The following SYNPO variants were observed in gnomAD, a reference collection of about 807,000 sequenced individuals.
SYNPO encodes the protein synaptopodin.
In SYNPO, 19 loss-of-function variants were observed where a neutral mutation model predicts 49.5. The observed-to-expected ratio is 0.38, with a 90% CI of 0.27 to 0.56. The LOEUF is 0.56. SYNPO is among the 20% of genes least tolerant of loss of function. The pLI, the probability that SYNPO is intolerant of heterozygous loss-of-function variation, is 0.68. For synonymous variants in SYNPO, 536 were observed against 548.0 expected, an observed-to-expected ratio of 0.98 and a Z score of 0.31; for missense variants, 1,131 against 1,248.3, an observed-to-expected ratio of 0.91 and a Z score of 1.42.
intron 1 of SYNPO, among the ~76,000 whole-genome samples, chr5:150,646,611 G>C (rs1758101534): frequency 2.6e-5 from 4 of 152,060 alleles, no homozygotes; most frequent in African/African-American, 9.7e-5. Context: ...TGTAGTCCCA[G>C]CTACTTGGGG....
At chr5:150,586,457 A>G in the SYNPO span, among the ~76,000 whole-genome samples, 2 of 152,130 alleles carry the variant, frequency 1.3e-5, no homozygotes, top group South Asian at 2.1e-4. Flanking sequence ...AACCCCCACT[A>G]TAAACTGGAG....
chr5:150,635,302 G>T (rs1463682416), intron 2 of SYNPO, among the ~76,000 whole-genome samples: 1 of 152,266 alleles, frequency 6.6e-6, no homozygotes, highest in Non-Finnish European at 1.5e-5. Flanking sequence ...CAGCACCTCT[G>T]TGTGTGGGCA....
At chr5:150,641,671 G>A (rs1032539497) in intron 1 of SYNPO, among the ~76,000 whole-genome samples, 1 of 152,132 alleles carries the variant, frequency 6.6e-6, no homozygotes, top group African/African-American at 2.4e-5. Context: ...AACAAGAACT[G>A]GGGTCTTCTG....
intron 2 of SYNPO, among the ~76,000 whole-genome samples, chr5:150,621,814 C>G (rs1757183229): frequency 6.6e-6 from 1 of 152,144 alleles, no homozygotes; most frequent in Admixed American, 6.5e-5. Flanking sequence ...ATAGAGGGTA[C>G]AGAGAGATGC....
intron 2 of SYNPO, among the ~76,000 whole-genome samples, chr5:150,634,836 ACACACACACACACACACACACACACAC>A (rs936968164): frequency 4.8e-5 from 5 of 105,210 alleles, no homozygotes; most frequent in African/African-American, 2.2e-4. Flanking sequence ...AAACACACAC[ACACACACACACACACACACACACACAC>A]CACACACACA....
rs1400833860 is a variant in SYNPO, at chr5:150,656,827, G to A, written c.2452G>A (p.Ala818Thr). The change falls in exon 3 of 3, where the codon GCA becomes ACA. Residue 818 changes from alanine (A) to threonine (T), a missense_variant. Coordinates refer to ENST00000307662, the MANE Select transcript of SYNPO (RefSeq NM_007286.6). Reference sequence around the variant, plus strand: ...CCCCGGCTCGGCTGCTGTGCCGGGGGCAGCCTTCGCGCCCATCCCGCGGAG... The same window carrying A: ...CCCCGGCTCGGCTGCTGTGCCGGGGACAGCCTTCGCGCCCATCCCGCGGAG... ...ARPGSAAVPGAAFAPIPRSPL... is the reference protein window; with the variant it reads ...ARPGSAAVPGTAFAPIPRSPL... The A allele has an allele frequency of 4.9e-5, 76 of 1,538,454 alleles. No homozygotes were observed. The East Asian group carries it at 1.7e-3, about 34-fold the overall frequency.
intron 2 of SYNPO, among the ~76,000 whole-genome samples, chr5:150,621,448 C>T (rs1217516851): frequency 6.6e-6 from 1 of 152,184 alleles, no homozygotes; most frequent in Non-Finnish European, 1.5e-5. Context: ...CCACACTTGC[C>T]TTTCTGCTCC....
chr5:150,626,661 A>C (rs1757367830), intron 2 of SYNPO, among the ~76,000 whole-genome samples: 1 of 152,148 alleles, frequency 6.6e-6, no homozygotes, highest in East Asian at 1.9e-4. Flanking sequence ...AAAAAAACCA[A>C]CCAAATCAAA....
At chr5:150,607,223 G>A (rs10040710) in intron 1 of SYNPO, among the ~76,000 whole-genome samples, 3,081 of 152,118 alleles carry the variant, frequency 0.02, 109 homozygotes, top group African/African-American at 0.071. Context: ...ATTTAGTGAC[G>A]TCTTTGTGGG....
chr5:150,625,606 G>A (rs1206327349), intron 2 of SYNPO, among the ~76,000 whole-genome samples: 2 of 152,210 alleles, frequency 1.3e-5, no homozygotes, highest in African/African-American at 4.8e-5. Flanking sequence ...CCTTGCCAAG[G>A]TGAGAGAGAG....
Position 150,602,997 on chromosome 5 carries a change from GGTGTGTGTGTGTGTGTGTGT to G in SYNPO, c.-266+1835_-266+1854del, listed in dbSNP as rs3062133. Among the ~76,000 whole-genome samples, 556 of 131,252 alleles carry G rather than the reference GGTGTGTGTGTGTGTGTGTGT, an allele frequency of 4.2e-3. 4 individuals are homozygous for G. Among genetic ancestry groups the G allele is most frequent in the African/African-American group, 0.015 (521 of 33,810 alleles). 86.1% of individuals were successfully genotyped at this position (131,252 alleles called of 152,430 possible). ...GTGGAAAGCCCAGTTGCCACCTTAG[GGTGTGTGTGTGTGTGTGTGT>G]GTGTGTGTGTGTGTGTGTGTGTGTG... is the stretch of plus-strand genomic sequence containing the variant. On this transcript the variant is annotated intron_variant, in intron 1 of 2. Transcript: ENST00000394243.
chr5:150,598,866 A>G (rs1024520854), upstream of SYNPO, among the ~76,000 whole-genome samples: 9 of 151,796 alleles, frequency 5.9e-5, no homozygotes, highest in Admixed American at 1.3e-4. Flanking sequence ...GTGCAGGCTG[A>G]CATGGTGGGG....
chr5:150,619,669 C>A (rs577693054), intron 2 of SYNPO, among the ~76,000 whole-genome samples: 1 of 152,108 alleles, frequency 6.6e-6, no homozygotes, highest in Non-Finnish European at 1.5e-5. Flanking sequence ...CCAGTAGATC[C>A]CGGGGGTGCA....
chr5:150,596,385 G>A (rs756924851), upstream of SYNPO, among the ~76,000 whole-genome samples: 1 of 152,164 alleles, frequency 6.6e-6, no homozygotes, highest in Non-Finnish European at 1.5e-5. Context: ...TGCTCACTAA[G>A]AAGGCTGGAC....
At chr5:150,632,052 CA>C in intron 2 of SYNPO, among the ~76,000 whole-genome samples, 1 of 152,276 alleles carries the variant, frequency 6.6e-6, no homozygotes, top group East Asian at 1.9e-4. Context: ...ACCCTGGAGC[CA>C]AAACCCCGGG....
intron 1 of SYNPO, among the ~76,000 whole-genome samples, chr5:150,644,447 T>C (rs1431288549): frequency 1.3e-5 from 2 of 152,240 alleles, no homozygotes; most frequent in African/African-American, 4.8e-5. Flanking sequence ...TGACCTTCAG[T>C]CAATCCCCTG....
At chr5:150,641,151 G>A (rs1380451710) in intron 1 of SYNPO, among the ~76,000 whole-genome samples, 1 of 152,200 alleles carries the variant, frequency 6.6e-6, no homozygotes, top group African/African-American at 2.4e-5. Flanking sequence ...TGACTCTGGG[G>A]ATGGAGAATT....
intron 1 of SYNPO, among the ~76,000 whole-genome samples, chr5:150,645,690 C>A (rs1237342932): frequency 6.6e-6 from 1 of 152,146 alleles, no homozygotes; most frequent in Non-Finnish European, 1.5e-5. Flanking sequence ...ACTAGAGACC[C>A]CAGAAAGAAC....
chr5:150,606,810 C>T (rs777697565), intron 1 of SYNPO, among the ~76,000 whole-genome samples: 1 of 152,166 alleles, frequency 6.6e-6, no homozygotes, highest in Non-Finnish European at 1.5e-5. Flanking sequence ...TTAGGCTGAG[C>T]GCCCCTCAGC....
Sources: allele counts gnomAD v4.1 joint callset (sites outside exome capture counted in the v4.1 genomes callset), GRCh38; gene constraint gnomAD v4.1.1; transcripts MANE v1.5; gene names NCBI Gene and HGNC (gene_info 2026-07-23, HGNC 2026-07-21).